Variants in MFHAS1 observed in about 807,000 individuals in gnomAD.
MFHAS1 encodes malignant fibrous histiocytoma-amplified sequence 1.
MFHAS1 carries 50 observed loss-of-function variants against 70.4 expected under a neutral mutation model. The observed-to-expected ratio is 0.71, with a 90% CI of 0.57 to 0.90. MFHAS1 has a LOEUF of 0.90. Ranked by LOEUF, MFHAS1 falls within the 40% of genes least tolerant of loss-of-function variation. MFHAS1 has a pLI of 0.00. For missense variants in MFHAS1, 1,795 were observed against 1,347.6 expected (o/e 1.33, Z -5.20); for synonymous variants, 952 against 620.0 (o/e 1.54, Z -7.96).
chr8:8,850,719 G>A (rs1259990758), intron 1 of MFHAS1, among the ~76,000 whole-genome samples: 3 of 150,892 alleles, frequency 2.0e-5, no homozygotes, highest in African/African-American at 4.9e-5. Context: ...CCTATAATCA[G>A]GAGGCTGAAG....
Position 8,891,439 on chromosome 8 carries a change from G to T in MFHAS1, c.1620C>A (p.Asp540Glu), listed in dbSNP as rs764426249. The T allele has an allele frequency of 2.5e-6, 4 of 1,612,982 alleles. No individual in the cohort carries two copies. Among genetic ancestry groups the T allele is most frequent in the South Asian group, 1.1e-5 (1 of 91,088 alleles). Residue 540 changes from aspartate to glutamate, a missense_variant, in exon 1 of 3, where the codon GAC (aspartate) becomes GAA (glutamate). Physicochemically the swap from Asp to Glu is conservative, Grantham distance 45. Transcript: ENST00000276282. The surrounding 1 kb of genome is among the most constrained non-coding windows in gnomAD (Gnocchi z 5.4). ...AVVCIVGTHA[D>E]LCGERELEEK... ...CCTCCAGCTCACGCTCTCCGCACAG[G>T]TCTGCGTGGGTGCCCACGATGCACA...
intron 1 of MFHAS1, among the ~76,000 whole-genome samples, chr8:8,866,830 C>A (rs1808877096): frequency 6.6e-6 from 1 of 152,142 alleles, no homozygotes; most frequent in Admixed American, 6.5e-5. Context: ...CAAGCAATTA[C>A]CTTGAGGAAT....
intron 1 of MFHAS1, among the ~76,000 whole-genome samples, chr8:8,843,767 G>A (rs959371023): frequency 3.3e-5 from 5 of 152,144 alleles, no homozygotes; most frequent in East Asian, 1.9e-4. Flanking sequence ...AAACATCAGC[G>A]AACTCATCCC....
intron 1 of MFHAS1, among the ~76,000 whole-genome samples, chr8:8,838,581 G>T (rs1168352012): frequency 6.6e-6 from 1 of 152,174 alleles, no homozygotes; most frequent in Non-Finnish European, 1.5e-5. Context: ...GGGAGGCAGA[G>T]GCGGGCGGAT....
In MFHAS1 at chr8:8,891,286, G is replaced by A; in HGVS notation, c.1773C>T (p.Pro591=). The A allele has an allele frequency of 6.2e-7, 1 of 1,611,772 alleles. No individual in the cohort carries two copies. Among genetic ancestry groups the A allele is most frequent in the Non-Finnish European group, 8.5e-7 (1 of 1,180,032 alleles). ...ARDFELRSAS[P]HAAYYGVSDK... is the part of the protein sequence containing the mutation. ...CCGAAACGCCATAGTAGGCTGCGTG[G>A]GGGCTGGCAGAGCGCAGCTCGAAGT... The change falls in exon 1 of 3, where the codon CCC becomes CCT. Residue 591 remains proline (P), a synonymous_variant. Transcript: ENST00000276282. The surrounding 1 kb of genome is among the most constrained non-coding windows in gnomAD (Gnocchi z 5.4).
Position 8,784,750 on chromosome 8 carries a change from C to G in MFHAS1, c.*1272G>C, listed in dbSNP as rs1265629944. ...AACCCACGGAGGAGGCAAATGTAAA[C>G]AGAGTTTTTTACACTCTCCGAAAAA... is the stretch of plus-strand genomic sequence containing the variant. On this transcript the variant is annotated 3_prime_UTR_variant, in exon 3 of 3. Transcript: ENST00000276282. The G allele has an allele frequency of 6.6e-6, 1 of 152,162 alleles. No homozygotes were observed. Among genetic ancestry groups the G allele is most frequent in the East Asian group, 1.9e-4 (1 of 5,196 alleles). 9.4% of individuals were successfully genotyped at this position (152,162 alleles called of 1,614,324 possible).
At chr8:8,863,003 C>T (rs1485641508) in intron 1 of MFHAS1, among the ~76,000 whole-genome samples, 1 of 152,194 alleles carries the variant, frequency 6.6e-6, no homozygotes, top group African/African-American at 2.4e-5. Flanking sequence ...ATCGATTACC[C>T]ATTTCAAGTT....
intron 1 of MFHAS1, among the ~76,000 whole-genome samples, chr8:8,818,008 G>A (rs746572872): frequency 7.9e-5 from 12 of 152,226 alleles, no homozygotes; most frequent in Non-Finnish European, 1.6e-4. Flanking sequence ...GCTCTAGCCC[G>A]TATCTATACA....
At chr8:8,857,045 T>A (rs1808471549) in intron 1 of MFHAS1, among the ~76,000 whole-genome samples, 1 of 150,240 alleles carries the variant, frequency 6.7e-6, no homozygotes. Flanking sequence ...TGTTCATAAT[T>A]TTGTTTTGGA....
intron 1 of MFHAS1, among the ~76,000 whole-genome samples, chr8:8,882,960 C>G (rs568266905): frequency 6.6e-6 from 1 of 152,164 alleles, no homozygotes; most frequent in African/African-American, 2.4e-5. Flanking sequence ...TGAGACCAGC[C>G]TGGCCAACAT....
chr8:8,805,788 T>G (rs1235945649), intron 1 of MFHAS1, among the ~76,000 whole-genome samples: 4 of 151,972 alleles, frequency 2.6e-5, no homozygotes, highest in African/African-American at 9.7e-5. Context: ...ACCTCCACCT[T>G]CCGGGTTCAA....
chr8:8,884,832 C>G (rs981271819), intron 1 of MFHAS1, among the ~76,000 whole-genome samples: 3 of 152,006 alleles, frequency 2.0e-5, no homozygotes, highest in South Asian at 2.1e-4. Flanking sequence ...TTTCTGGAGT[C>G]CCAGCTACTC....
chr8:8,830,253 G>A (rs148900874), intron 1 of MFHAS1, among the ~76,000 whole-genome samples: 101 of 152,260 alleles, frequency 6.6e-4, no homozygotes, highest in African/African-American at 2.2e-3. Context: ...AGAAATGACT[G>A]TAAAAACTCC....
chr8:8,868,816 A>C (rs950044934), intron 1 of MFHAS1, among the ~76,000 whole-genome samples: 4 of 152,148 alleles, frequency 2.6e-5, no homozygotes, highest in Non-Finnish European at 5.9e-5. Flanking sequence ...TTCATATGCA[A>C]ACAGCACCTC....
At chr8:8,800,330 T>C (rs1332281909) in intron 1 of MFHAS1, among the ~76,000 whole-genome samples, 1 of 152,196 alleles carries the variant, frequency 6.6e-6, no homozygotes, top group Non-Finnish European at 1.5e-5. Flanking sequence ...AAACACCAGC[T>C]AGGAAAAGAT....
At chr8:8,840,067 G>C (rs1416645770) in intron 1 of MFHAS1, among the ~76,000 whole-genome samples, 1 of 152,126 alleles carries the variant, frequency 6.6e-6, no homozygotes. Context: ...ATGTTTTTAA[G>C]GAATTGTTAT....
At chr8:8,847,534 G>C (rs1246820450) in intron 1 of MFHAS1, among the ~76,000 whole-genome samples, 1 of 152,122 alleles carries the variant, frequency 6.6e-6, no homozygotes, top group African/African-American at 2.4e-5. Flanking sequence ...GAAGCAGGCA[G>C]GATCTACTTG....
chr8:8,856,721 G>A (rs1200407311), intron 1 of MFHAS1, among the ~76,000 whole-genome samples: 1 of 152,016 alleles, frequency 6.6e-6, no homozygotes, highest in African/African-American at 2.4e-5. Flanking sequence ...CCAGCACAGA[G>A]CATCCCCATG....
At chr8:8,811,906 G>T (rs1243416125) in intron 1 of MFHAS1, among the ~76,000 whole-genome samples, 1 of 152,084 alleles carries the variant, frequency 6.6e-6, no homozygotes, top group Non-Finnish European at 1.5e-5. Flanking sequence ...CTTCCACAGG[G>T]TACACAAGTC....
Sources: gnomAD v4.1 joint callset for allele counts (sites outside exome capture counted in the v4.1 genomes callset) on GRCh38, gnomAD v4.1.1 for gene constraint, Gnocchi (gnomAD v3.1) non-coding constraint, MANE v1.5 for transcripts, NCBI Gene and HGNC (gene_info 2026-07-23, HGNC 2026-07-21) for gene names.